The following ADAMTSL1 variants were observed in gnomAD, a reference collection of about 807,000 sequenced individuals.
ADAMTSL1 encodes ADAMTS-like protein 1.
A neutral mutation model predicts 201.8 loss-of-function variants in ADAMTSL1; 126 were observed. The ratio of observed to expected loss-of-function variants is 0.62; its 90% CI spans 0.54 to 0.72. The LOEUF (loss-of-function observed/expected upper bound fraction) is 0.72, where lower values mean the gene tolerates loss of function less well. Ranked by LOEUF, ADAMTSL1 falls within the 30% of genes least tolerant of loss-of-function variation. ADAMTSL1 has a pLI of 0.00. For synonymous variants in ADAMTSL1, 1,121 were observed against 903.4 expected (o/e 1.24, Z -4.32); for missense variants, 2,679 against 2,277.8 (o/e 1.18, Z -3.59).
In ADAMTSL1 at chr9:17,920,353, T is replaced by G. The variant is rs187712051; in HGVS notation, c.87+13431T>G. On this transcript the variant is annotated intron_variant, in intron 1 of 29. Coordinates refer to the ADAMTSL1 transcript ENST00000680146. The stretch of plus-strand genomic sequence containing the variant: ...CCCTCATAGCTGTCATACTAAGACT[T>G]CGCTTCTTTTATTCTGTTGAACTGG... Among the ~76,000 whole-genome samples, 38 of 152,316 alleles carry G rather than the reference T, an allele frequency of 2.5e-4. No individual in the cohort carries two copies. The East Asian group carries it at 7.1e-3, about 29-fold the overall frequency.
intron 17 of ADAMTSL1, among the ~76,000 whole-genome samples, chr9:18,773,101 T>A (rs1386959311): frequency 6.6e-6 from 1 of 152,180 alleles, no homozygotes; most frequent in Non-Finnish European, 1.5e-5. Context: ...GAGATGTGCA[T>A]GCCACACCTC....
intron 2 of ADAMTSL1, among the ~76,000 whole-genome samples, chr9:18,218,314 C>A (rs898561685): frequency 6.6e-6 from 1 of 152,102 alleles, no homozygotes; most frequent in African/African-American, 2.4e-5. Context: ...CTGGAATCAC[C>A]ACTGAGTGAG....
chr9:18,151,439 C>T (rs1047150014), intron 1 of ADAMTSL1, among the ~76,000 whole-genome samples: 5 of 151,968 alleles, frequency 3.3e-5, no homozygotes, highest in African/African-American at 1.2e-4. Context: ...TGTGTGAATG[C>T]CTCTGGTGCC....
chr9:18,868,795 G>A (rs912431632), intron 23 of ADAMTSL1, among the ~76,000 whole-genome samples: 1 of 152,194 alleles, frequency 6.6e-6, no homozygotes, highest in Non-Finnish European at 1.5e-5. Flanking sequence ...GCTCAATAGT[G>A]TCCAGTTGCC....
chr9:18,630,315 C>T (rs1431180892), intron 5 of ADAMTSL1, among the ~76,000 whole-genome samples: 1 of 152,174 alleles, frequency 6.6e-6, no homozygotes, highest in Non-Finnish European at 1.5e-5. Flanking sequence ...TGTATGAGCA[C>T]CGTGTACTCT....
At chr9:18,695,945 A>G (rs1028995655) in intron 13 of ADAMTSL1, among the ~76,000 whole-genome samples, 2 of 152,228 alleles carry the variant, frequency 1.3e-5, no homozygotes, top group Non-Finnish European at 2.9e-5. Context: ...AGGCCACAGG[A>G]AATTTACAAT....
chr9:18,821,137 T>A (rs145658407), intron 21 of ADAMTSL1, among the ~76,000 whole-genome samples: 2 of 152,304 alleles, frequency 1.3e-5, no homozygotes, highest in African/African-American at 4.8e-5. Context: ...TCAGCAGGAC[T>A]AAGGATGCAG....
At chr9:18,100,666 A>G (rs1485102246) in intron 1 of ADAMTSL1, among the ~76,000 whole-genome samples, 4 of 151,756 alleles carry the variant, frequency 2.6e-5, no homozygotes, top group Admixed American at 2.6e-4. Context: ...TTCCACTCCT[A>G]GTAGTTTCTT....
chr9:18,366,684 C>T (rs1836784549), intron 2 of ADAMTSL1, among the ~76,000 whole-genome samples: 1 of 121,922 alleles, frequency 8.2e-6, no homozygotes. Flanking sequence ...GAGTCTCAGT[C>T]TGTCACCCAG....
intron 2 of ADAMTSL1, among the ~76,000 whole-genome samples, chr9:18,405,284 C>T (rs1818142848): frequency 1.3e-5 from 2 of 152,186 alleles, no homozygotes; most frequent in Non-Finnish European, 2.9e-5. Context: ...ATCTACGCCT[C>T]ACCCTCAGCA....
At chr9:18,041,365 A>C (rs909042920) in intron 1 of ADAMTSL1, among the ~76,000 whole-genome samples, 1 of 152,160 alleles carries the variant, frequency 6.6e-6, no homozygotes, top group African/African-American at 2.4e-5. Flanking sequence ...GTTTTATGGA[A>C]GTGTCATTAG....
At chr9:18,788,796 C>T (rs953957114) in intron 19 of ADAMTSL1, among the ~76,000 whole-genome samples, 7 of 151,764 alleles carry the variant, frequency 4.6e-5, no homozygotes, top group African/African-American at 1.7e-4. Context: ...TTACTTGCTC[C>T]TGAGTTCACT....
At chr9:18,662,649 T>C (rs1012519747) in intron 9 of ADAMTSL1, among the ~76,000 whole-genome samples, 4 of 152,330 alleles carry the variant, frequency 2.6e-5, no homozygotes, top group African/African-American at 4.8e-5. Flanking sequence ...TCTTTGAAAG[T>C]AGAAGCTTTA....
chr9:18,310,783 G>A (rs35016784), intron 2 of ADAMTSL1, among the ~76,000 whole-genome samples: 8 of 152,024 alleles, frequency 5.3e-5, no homozygotes, highest in African/African-American at 1.7e-4. Context: ...AACCATTGTG[G>A]AAGGCACTGT....
chr9:18,710,297 G>T (rs1449961616), intron 14 of ADAMTSL1, among the ~76,000 whole-genome samples: 1 of 152,166 alleles, frequency 6.6e-6, no homozygotes, highest in Non-Finnish European at 1.5e-5. Context: ...GTTGACCACA[G>T]GGCTGGCCCA....
chr9:18,770,759 G>A lies in ADAMTSL1; in HGVS notation c.2375G>A (p.Trp792Ter), dbSNP rs200165481. The change falls in exon 17 of 29, where the codon TGG becomes TAG. Residue 792 changes from tryptophan to a stop codon, truncating the protein, a stop_gained. Transcript: ENST00000380548. LOFTEE classifies it high-confidence loss of function. The stretch of plus-strand genomic sequence containing the variant: ...AAGAAAGATGACTGTCCCAGCGAGT[G>A]GCTTCTCTCAGACTGGACAGAGGTA... ...ACKKDDCPSEWLLSDWTECST... is the reference protein window; with the variant it reads ...ACKKDDCPSE The A allele has an allele frequency of 6.2e-7, 1 of 1,613,824 alleles. No homozygotes were observed. The highest frequency in any genetic ancestry group is 8.5e-7 in the Non-Finnish European group (1 of 1,179,852).
rs572618339 is a variant in ADAMTSL1, at chr9:18,745,982, G to A, written c.2007-7316G>A. ...AAAGTTCAGTCCCTACAAAGTGGAA[G>A]AGGAAAGGAAGGAAGAAGAAGAAGG... is the stretch of plus-strand genomic sequence containing the variant. On this transcript the variant is annotated intron_variant, in intron 15 of 28. Coordinates refer to ENST00000380548, the MANE Select transcript of ADAMTSL1 (RefSeq NM_001040272.6). 2.6e-5 allele frequency among the ~76,000 whole-genome samples: 4 copies of A among 152,280 alleles called. No individual in the cohort carries two copies. In the South Asian group the frequency reaches 8.3e-4, roughly 32 times the overall value.
chr9:18,433,939 C>T (rs757033620), intron 2 of ADAMTSL1, among the ~76,000 whole-genome samples: 17 of 152,278 alleles, frequency 1.1e-4, no homozygotes, highest in Non-Finnish European at 2.5e-4. Context: ...TTGCAATTCT[C>T]ATATCTTTTC....
intron 15 of ADAMTSL1, among the ~76,000 whole-genome samples, chr9:18,743,388 T>G (rs1818954339): frequency 2.0e-5 from 3 of 152,204 alleles, no homozygotes; most frequent in Admixed American, 2.0e-4. Flanking sequence ...TTGCTGCAAG[T>G]GCCATTTTTT....
Sources: gnomAD v4.1 joint callset for allele counts (sites outside exome capture counted in the v4.1 genomes callset) on GRCh38, gnomAD v4.1.1 for gene constraint, MANE v1.5 for transcripts, NCBI Gene and HGNC (gene_info 2026-07-23, HGNC 2026-07-21) for gene names.